TNR: variants seen among roughly 807,000 people sequenced by gnomAD.
The protein encoded by TNR is tenascin R.
In TNR, 45 loss-of-function variants were observed where a neutral mutation model predicts 150.4. The ratio of observed to expected loss-of-function variants is 0.30; its 90% confidence interval spans 0.24 to 0.38. The LOEUF (loss-of-function observed/expected upper bound fraction) is 0.38. TNR is among the 10% of genes least tolerant of loss of function. The pLI, the probability that TNR is intolerant of heterozygous loss-of-function variation, is 1.00. For synonymous variants in TNR, 687 were observed against 678.4 expected (o/e 1.01, Z -0.20); for missense variants, 1,544 against 1,759.1 (o/e 0.88, Z 2.19).
At chr1:175,501,439 G>A (rs1320747026) in intron 2 of TNR, among the ~76,000 whole-genome samples, 2 of 152,178 alleles carry the variant, frequency 1.3e-5, no homozygotes, top group Non-Finnish European at 2.9e-5. Context: ...ACCTGAATGA[G>A]CTTGGAAGAG....
intron 8 of TNR, among the ~76,000 whole-genome samples, chr1:175,382,129 A>G (rs950746651): frequency 5.3e-5 from 8 of 152,228 alleles, no homozygotes; most frequent in Admixed American, 4.6e-4. Flanking sequence ...ACTCATAATC[A>G]AAATAATTTT....
chr1:175,680,886 G>A (rs1429246966), intron 1 of TNR, among the ~76,000 whole-genome samples: 1 of 152,210 alleles, frequency 6.6e-6, no homozygotes, highest in African/African-American at 2.4e-5. Flanking sequence ...GACCAAGACT[G>A]TCTGGGTAGG....
intron 1 of TNR, among the ~76,000 whole-genome samples, chr1:175,722,232 T>A (rs1667325086): frequency 6.6e-6 from 1 of 152,058 alleles, no homozygotes; most frequent in Non-Finnish European, 1.5e-5. Flanking sequence ...CCTTCCCCTA[T>A]CGGTTTGAAT....
chr1:175,558,173 G>A (rs1301340505), intron 1 of TNR, among the ~76,000 whole-genome samples: 19 of 138,770 alleles, frequency 1.4e-4, no homozygotes, highest in African/African-American at 5.1e-4. Flanking sequence ...CCTAATGCTA[G>A]ATGACGAGTT....
At chr1:175,422,668 C>A (rs568162141) in intron 2 of TNR, among the ~76,000 whole-genome samples, 2 of 152,314 alleles carry the variant, frequency 1.3e-5, no homozygotes, top group African/African-American at 4.8e-5. Context: ...TCCCCCCTAA[C>A]CCCAGTTTCT....
rs544630316 is a variant in TNR, at chr1:175,346,510, T to C, written c.3382+7881A>G. Among the ~76,000 whole-genome samples, 122 of 151,432 alleles carry C rather than the reference T, an allele frequency of 8.1e-4. 1 individual carries two copies. The highest frequency in any genetic ancestry group is 2.9e-3 in the African/African-American group (118 of 41,258). On this transcript the variant is annotated intron_variant, in intron 18 of 22. Transcript: ENST00000367674. ...AATCTAAAGTCTGGTTCTTTGAAAATATTAATAAAAGAAATATATCACTAG... is the reference window on the plus strand; with the variant it reads ...AATCTAAAGTCTGGTTCTTTGAAAACATTAATAAAAGAAATATATCACTAG...
chr1:175,548,727 G>A (rs1019554280), intron 1 of TNR, among the ~76,000 whole-genome samples: 1 of 151,594 alleles, frequency 6.6e-6, no homozygotes, highest in South Asian at 2.1e-4. Context: ...GACAGTGAAG[G>A]TTAGAAGACA....
At chr1:175,405,719 A>G (rs1200331124) in intron 3 of TNR, among the ~76,000 whole-genome samples, 1 of 152,110 alleles carries the variant, frequency 6.6e-6, no homozygotes, top group African/African-American at 2.4e-5. Context: ...AGATGGGGAT[A>G]GGTCCTCTGA....
intron 1 of TNR, among the ~76,000 whole-genome samples, chr1:175,556,435 T>C (rs1442012388): frequency 6.6e-6 from 1 of 152,242 alleles, no homozygotes; most frequent in African/African-American, 2.4e-5. Context: ...ATCCAACTTG[T>C]ACCAAAATAC....
At chr1:175,436,917 C>T (rs974051711) in intron 2 of TNR, among the ~76,000 whole-genome samples, 1 of 152,110 alleles carries the variant, frequency 6.6e-6, no homozygotes, top group African/African-American at 2.4e-5. Context: ...CTTAGACTCC[C>T]ACACAATAAT....
intron 1 of TNR, among the ~76,000 whole-genome samples, chr1:175,571,288 C>A (rs1049796412): frequency 6.6e-6 from 1 of 152,116 alleles, no homozygotes; most frequent in African/African-American, 2.4e-5. Flanking sequence ...TTTTAAAGCC[C>A]CATCTTCTTT....
chr1:175,707,197 G>C (rs560564409), intron 1 of TNR, among the ~76,000 whole-genome samples: 1 of 152,002 alleles, frequency 6.6e-6, no homozygotes, highest in Non-Finnish European at 1.5e-5. Flanking sequence ...AAAATTCCAG[G>C]TCTCAATTCC....
intron 2 of TNR, among the ~76,000 whole-genome samples, chr1:175,473,777 A>G (rs917392757): frequency 1.3e-5 from 2 of 152,174 alleles, no homozygotes; most frequent in African/African-American, 4.8e-5. Context: ...GTGAAAGTGC[A>G]CTCTTTAATG....
intron 14 of TNR, among the ~76,000 whole-genome samples, chr1:175,360,426 A>G (rs984741323): frequency 9.2e-5 from 14 of 152,224 alleles, no homozygotes; most frequent in African/African-American, 3.1e-4. Flanking sequence ...GGTAGGTCAA[A>G]AGGGCCTGTT....
intron 1 of TNR, among the ~76,000 whole-genome samples, chr1:175,611,236 T>C (rs1164838238): frequency 1.3e-5 from 2 of 152,222 alleles, no homozygotes; most frequent in Non-Finnish European, 2.9e-5. Flanking sequence ...CTTTATTTTA[T>C]CACATCAGGG....
intron 1 of TNR, among the ~76,000 whole-genome samples, chr1:175,550,539 G>A (rs773409488): frequency 6.6e-6 from 1 of 150,440 alleles, no homozygotes; most frequent in Non-Finnish European, 1.5e-5. Context: ...CCCTTGGGAA[G>A]GAGACTGGAA....
chr1:175,666,110 C>T (rs766146065), intron 1 of TNR, among the ~76,000 whole-genome samples: 2 of 152,190 alleles, frequency 1.3e-5, no homozygotes, highest in Non-Finnish European at 2.9e-5. Flanking sequence ...CATGACTAAA[C>T]TCAAACGTCA....
intron 1 of TNR, among the ~76,000 whole-genome samples, chr1:175,656,769 T>C (rs1020229776): frequency 5.3e-5 from 8 of 152,262 alleles, no homozygotes; most frequent in Non-Finnish European, 7.4e-5. Flanking sequence ...AGTGAGGTTG[T>C]ACGTGGCTGT....
intron 2 of TNR, among the ~76,000 whole-genome samples, chr1:175,527,931 C>T (rs990690179): frequency 4.6e-5 from 7 of 152,262 alleles, no homozygotes; most frequent in African/African-American, 1.2e-4. Flanking sequence ...CTGATTCATG[C>T]GGGCCCAGTG....
Sources: allele counts gnomAD v4.1 joint callset (sites outside exome capture counted in the v4.1 genomes callset), GRCh38; gene constraint gnomAD v4.1.1; transcripts MANE v1.5; gene names NCBI Gene and HGNC (gene_info 2026-07-23, HGNC 2026-07-21).